Variants in PARP6 observed in about 807,000 individuals in gnomAD.
PARP6 encodes protein mono-ADP-ribosyltransferase PARP6.
PARP6 carries 27 observed loss-of-function variants against 92.0 expected under a neutral mutation model. The observed-to-expected ratio is 0.29, with a 90% confidence interval of 0.22 to 0.40. The LOEUF is 0.40. PARP6 is among the 10% of genes least tolerant of loss of function. PARP6 has a pLI of 1.00. For missense variants in PARP6, 501 were observed against 784.5 expected, an observed-to-expected ratio of 0.64 and a Z score of 4.32; for synonymous variants, 272 against 281.2, an observed-to-expected ratio of 0.97 and a Z score of 0.33.
rs770096515 is a variant in PARP6 at position 72,256,595 on chromosome 15, G to A, written c.1000-5C>T. ...GGCCACCAGCAGATCCACCACCTTA[G>A]GGGAAAGGAAAAAAAACAGGGCAGA... On this transcript the variant is annotated splice_polypyrimidine_tract_variant and splice_region_variant and intron_variant, in intron 13 of 23. Transcript: ENST00000569795. 1 of 1,531,576 alleles carries A rather than the reference G, an allele frequency of 6.5e-7. No homozygotes were observed. Among genetic ancestry groups the A allele is most frequent in the Non-Finnish European group, 8.7e-7 (1 of 1,144,010 alleles). 94.9% of individuals were successfully genotyped at this position (1,531,576 alleles called of 1,614,324 possible).
In PARP6 at chr15:72,261,544, T is replaced by C; in HGVS notation, c.545+14A>G. On this transcript the variant is annotated intron_variant, in intron 9 of 23. Coordinates refer to ENST00000569795, the MANE Select transcript of PARP6 (RefSeq NM_001323532.2). ...CAAGGTGTTTACAGATGATCAGCTT[T>C]AGGGAGCACTTACTTGGGGATGGGT... 6.2e-7 allele frequency: 1 copy of C among 1,613,218 alleles called. No individual in the cohort carries two copies. The highest frequency in any genetic ancestry group is 1.1e-5 in the South Asian group (1 of 91,052).
chr15:72,246,149 T>G (rs577466858), intron 20 of PARP6, among the ~76,000 whole-genome samples: 148 of 152,320 alleles, frequency 9.7e-4, no homozygotes, highest in African/African-American at 3.5e-3. Context: ...AACACATTAT[T>G]GTTTTGTTTT....
chr15:72,243,572 C>T (rs1416897377), intron 20 of PARP6: 1 of 152,182 alleles, frequency 6.6e-6, no homozygotes, highest in Non-Finnish European at 1.5e-5. Context: ...AACTCTCTAC[C>T]TTCCTTACCC....
intron 11 of PARP6, among the ~76,000 whole-genome samples, chr15:72,258,388 A>G (rs746256800): frequency 2.6e-5 from 4 of 152,230 alleles, no homozygotes; most frequent in African/African-American, 7.2e-5. Context: ...AATGGCATAT[A>G]TAACTTTAAG....
intron 9 of PARP6, among the ~76,000 whole-genome samples, chr15:72,261,021 G>A (rs759405549): frequency 6.6e-5 from 10 of 152,176 alleles, no homozygotes; most frequent in African/African-American, 1.2e-4. Flanking sequence ...AAAAAATAGA[G>A]AGAGAGATTG....
chr15:72,256,404 T>C (rs144235179), intron 14 of PARP6, 61 bp downstream of exon 14: 17 of 1,369,484 alleles, frequency 1.2e-5, no homozygotes, highest in Middle Eastern at 2.0e-4. Context: ...TGTCAGCCCA[T>C]AGTCTGCCAC....
At chr15:72,261,174 A>T (rs2085836634) in intron 9 of PARP6, among the ~76,000 whole-genome samples, 1 of 152,212 alleles carries the variant, frequency 6.6e-6, no homozygotes, top group Non-Finnish European at 1.5e-5. Context: ...ACAGGGGGAA[A>T]ATGTAGACCT....
intron 3 of PARP6, 165 bp downstream of exon 3, chr15:72,267,310 A>C (rs2086729817): frequency 1.4e-6 from 1 of 710,986 alleles, no homozygotes; most frequent in Non-Finnish European, 2.5e-6. Flanking sequence ...ACACAAACAC[A>C]CCAAGTAATA....
chr15:72,262,210 T>C (rs766400353), intron 8 of PARP6, among the ~76,000 whole-genome samples: 2 of 152,216 alleles, frequency 1.3e-5, no homozygotes, highest in Non-Finnish European at 2.9e-5. Context: ...CACTTGTCCT[T>C]GATCAGTTCT....
In PARP6 at chr15:72,269,744, A is replaced by G. The variant is rs537097664; in HGVS notation, c.-195+1279T>C. ...GTGAAACTCCTTCTCCACTAAAATA[A>G]AAACATTAGCAAGGCATGGTGGTGC... On this transcript the variant is annotated intron_variant, in intron 2 of 23. Coordinates refer to ENST00000569795, the MANE Select transcript of PARP6 (RefSeq NM_001323532.2). 4.0e-5 allele frequency among the ~76,000 whole-genome samples: 6 copies of G among 151,896 alleles called. No individual in the cohort carries two copies. In the East Asian group the frequency reaches 1.2e-3, roughly 30 times the overall value.
At chr15:72,243,996 C>T (rs952083039) in intron 20 of PARP6, 4 of 152,202 alleles carry the variant, frequency 2.6e-5, no homozygotes, top group African/African-American at 7.2e-5. Context: ...ACTCAAGTCT[C>T]GTGACAGATT....
At position 72,242,543 on chromosome 15, in the gene PARP6, C is replaced by G. The variant is rs555900981; in HGVS notation, c.1641+77G>C. 1.0e-4 allele frequency: 100 copies of G among 984,202 alleles called. No homozygotes were observed. The highest frequency in any genetic ancestry group is 1.6e-4 in the Non-Finnish European group (95 of 608,836). 61.0% of individuals were successfully genotyped at this position (984,202 alleles called of 1,614,324 possible). On this transcript the variant is annotated intron_variant, in intron 21 of 23. Coordinates refer to ENST00000569795, the MANE Select transcript of PARP6 (RefSeq NM_001323532.2). This position sits in a 1 kb window ranked among gnomAD's most constrained non-coding sequence, Gnocchi z 4.3. ...ATCACTCCCCAACCCATTCTCACCC[C>G]ACTGTTTCCCTGTCCAGCTCTGGAG...
Position 72,256,597 on chromosome 15 carries a change from GGAAA to G in PARP6, c.1000-11_1000-8del. The G allele has an allele frequency of 6.6e-7, 1 of 1,525,798 alleles. No homozygotes were observed. The highest frequency in any genetic ancestry group is 8.8e-7 in the Non-Finnish European group (1 of 1,140,850). The allele number at this position is 1,525,798 out of a possible 1,614,324, so 94.5% of individuals were successfully genotyped here. On this transcript the variant is annotated splice_region_variant and splice_polypyrimidine_tract_variant and intron_variant, in intron 13 of 23. Coordinates refer to ENST00000569795, the MANE Select transcript of PARP6 (RefSeq NM_001323532.2). ...CCACCAGCAGATCCACCACCTTAGG[GGAAA>G]GGAAAAAAAACAGGGCAGAAGCTAA...
chr15:72,241,925 T>C lies in PARP6; in HGVS notation c.1766A>G (p.His589Arg), dbSNP rs2083102429. ...CACAAAGAAGAATCTTGTGCAGACA[T>C]GGTCGGACACAGGGCACACCCAGAT... ...GNIWVCPVSD[H>R]VCTRFFFVYE... The change falls in exon 23 of 24, where the codon CAT becomes CGT. Residue 589 changes from histidine (H) to arginine (R), a missense_variant. His to Arg is a conservative substitution (Grantham distance 29). This residue lies in a region of PARP6 where 191 missense variants were observed against 399.1 expected (regional missense o/e 0.48). Coordinates refer to ENST00000569795, the MANE Select transcript of PARP6 (RefSeq NM_001323532.2). The surrounding 1 kb of genome is among the most constrained non-coding windows in gnomAD (Gnocchi z 4.1). 2 of 1,613,452 alleles carry C rather than the reference T, an allele frequency of 1.2e-6. No homozygotes were observed. Among genetic ancestry groups the C allele is most frequent in the Non-Finnish European group, 1.7e-6 (2 of 1,179,432 alleles).
chr15:72,265,313 G>A, intron 6 of PARP6, 100 bp downstream of exon 6: 1 of 1,128,404 alleles, frequency 8.9e-7, no homozygotes, highest in East Asian at 2.3e-5. Context: ...TGAAGAATAT[G>A]TGCTCCAAAT....
At chr15:72,246,648 T>C (rs956940393) in intron 20 of PARP6, among the ~76,000 whole-genome samples, 7 of 152,324 alleles carry the variant, frequency 4.6e-5, no homozygotes, top group Admixed American at 3.9e-4. Context: ...AATACACATA[T>C]ATATGCCTAA....
At chr15:72,249,973 A>G (rs2084127427) in intron 19 of PARP6, 47 bp downstream of exon 19, 9 of 1,229,462 alleles carry the variant, frequency 7.3e-6, no homozygotes, top group Non-Finnish European at 9.6e-6. Flanking sequence ...AAAACTGAGT[A>G]GGGAAGGGAG....
At chr15:72,269,993 T>C (rs2087167194) in intron 2 of PARP6, among the ~76,000 whole-genome samples, 1 of 152,224 alleles carries the variant, frequency 6.6e-6, no homozygotes, top group South Asian at 2.1e-4. Context: ...GTTGTTCTGA[T>C]GCATAAAATT....
At chr15:72,258,316 T>C (rs920780334) in intron 11 of PARP6, among the ~76,000 whole-genome samples, 184 bp from the exon 12 acceptor site, 1 of 152,182 alleles carries the variant, frequency 6.6e-6, no homozygotes, top group African/African-American at 2.4e-5. Context: ...TATGGTATAG[T>C]AAAAATAAGA....
Sources: allele counts gnomAD v4.1 joint callset (sites outside exome capture counted in the v4.1 genomes callset), GRCh38; gene constraint gnomAD v4.1.1; regional missense constraint gnomAD v4.1.1; non-coding constraint Gnocchi (gnomAD v3.1); transcripts MANE v1.5; gene names NCBI Gene and HGNC (gene_info 2026-07-23, HGNC 2026-07-21).